The following ADAM20 variants were observed in gnomAD, a reference collection of about 807,000 sequenced individuals.
ADAM20 encodes ADAM metallopeptidase domain 20.
For missense variants in ADAM20, 871 were observed against 883.2 expected (o/e 0.99, Z 0.18); for synonymous variants, 305 against 310.2 (o/e 0.98, Z 0.18).
the ADAM20 span, among the ~76,000 whole-genome samples, chr14:70,560,429 T>G: frequency 6.6e-6 from 1 of 152,030 alleles, no homozygotes; most frequent in African/African-American, 2.4e-5. Flanking sequence ...GCAAATGTAA[T>G]GGGGGTAGGG....
At chr14:70,557,182 T>C in the ADAM20 span, 1 of 152,248 alleles carries the variant, frequency 6.6e-6, no homozygotes, top group South Asian at 2.1e-4. Context: ...CAGTTAATGG[T>C]CCCAGGTGTT....
chr14:70,537,120 C>A (rs1336385832), upstream of ADAM20, among the ~76,000 whole-genome samples: 2 of 152,118 alleles, frequency 1.3e-5, no homozygotes, highest in East Asian at 3.8e-4. Flanking sequence ...ACCCAGGAAG[C>A]AGTGGACAGC....
At chr14:70,554,256 G>A in the ADAM20 span, among the ~76,000 whole-genome samples, 1 of 152,190 alleles carries the variant, frequency 6.6e-6, no homozygotes, top group African/African-American at 2.4e-5. Flanking sequence ...TGGAGAAATG[G>A]AGCCCTTGTA....
Position 70,522,733 on chromosome 14 carries a change from G to A in ADAM20, c.2025C>T (p.Gly675=). ...CTTCCATGTTGTTCTTAGGAGGTGG[G>A]CCACTATCAGCACTACCTCCATAGC... ...DKGYGGSADS[G]PPPKNNMEGL... Residue 675 remains glycine (G), a synonymous_variant, in exon 2 of 2, where the codon GGC becomes GGT. Coordinates refer to ENST00000256389, the MANE Select transcript of ADAM20 (RefSeq NM_003814.5). 1 of 1,614,008 alleles carries A rather than the reference G, an allele frequency of 6.2e-7. No homozygotes were observed. The highest frequency in any genetic ancestry group is 8.5e-7 in the Non-Finnish European group (1 of 1,179,922).
rs540545808 is a variant in ADAM20 at position 70,531,060 on chromosome 14, G to C, written c.-177+3737C>G. Among the ~76,000 whole-genome samples, 17 of 152,074 alleles carry C rather than the reference G, an allele frequency of 1.1e-4. 3 individuals are homozygous for C. In the Middle Eastern group the frequency reaches 0.041, roughly 365 times the overall value. On this transcript the variant is annotated intron_variant, in intron 1 of 1. Coordinates refer to ENST00000256389, the MANE Select transcript of ADAM20 (RefSeq NM_003814.5). Reference sequence around the variant, plus strand: ...ATCAATACAAATTGGTATTTGAAAAGATCAACAAAATTGGCAAACCTTTAA... The same window carrying C: ...ATCAATACAAATTGGTATTTGAAAACATCAACAAAATTGGCAAACCTTTAA...
At position 70,524,378 on chromosome 14, in the gene ADAM20, G is replaced by A; in HGVS notation, c.380C>T (p.Thr127Ile). 6.2e-7 allele frequency: 1 copy of A among 1,613,918 alleles called. No homozygotes were observed. The highest frequency in any genetic ancestry group is 1.3e-5 in the African/African-American group (1 of 75,002). ...GVPESLVALS[T>I]CSGGFLGMLQ... The stretch of plus-strand genomic sequence containing the variant: ...CATTCCAAGAAAGCCCCCAGAACAG[G>A]TACTAAGGGCAACCAAGGACTCAGG... Residue 127 changes from threonine (T) to isoleucine (I), a missense_variant, in exon 2 of 2, where the codon ACC becomes ATC. Coordinates refer to ENST00000256389, the MANE Select transcript of ADAM20 (RefSeq NM_003814.5).
chr14:70,538,773 C>T (rs57900246), upstream of ADAM20, among the ~76,000 whole-genome samples: 2,079 of 152,182 alleles, frequency 0.014, 48 homozygotes, highest in African/African-American at 0.046. Context: ...TTTATTAGGC[C>T]CTGGAAACTG....
the ADAM20 span, among the ~76,000 whole-genome samples, chr14:70,541,968 G>A: frequency 6.6e-6 from 1 of 151,988 alleles, no homozygotes; most frequent in African/African-American, 2.4e-5. Context: ...CTGCTGTGAA[G>A]CTCTAACAGG....
the ADAM20 span, among the ~76,000 whole-genome samples, chr14:70,571,953 C>T: frequency 6.6e-6 from 1 of 152,108 alleles, no homozygotes; most frequent in Non-Finnish European, 1.5e-5. Context: ...AGGAGAACTA[C>T]AAAACACTTT....
rs1261664621 is a variant in ADAM20 at position 70,524,889 on chromosome 14, C to T, written c.-132G>A. On this transcript the variant is annotated 5_prime_UTR_variant, in exon 2 of 2. Transcript: ENST00000256389. ...CCTTTAGGGATCTGGGGATCTGTGT[C>T]CTGGTGGAGCTGGACCATCAGAGCT... is the stretch of plus-strand genomic sequence containing the variant. The T allele has an allele frequency of 6.2e-7, 1 of 1,610,606 alleles. No homozygotes were observed. Among genetic ancestry groups the T allele is most frequent in the Non-Finnish European group, 8.5e-7 (1 of 1,178,780 alleles).
chr14:70,560,412 C>G, the ADAM20 span, among the ~76,000 whole-genome samples: 206 of 152,222 alleles, frequency 1.4e-3, no homozygotes, highest in African/African-American at 4.7e-3. Flanking sequence ...ATATCAAAAA[C>G]CACTTAGCAA....
At chr14:70,556,698 C>T in the ADAM20 span, 28 of 152,216 alleles carry the variant, frequency 1.8e-4, no homozygotes, top group African/African-American at 6.8e-4. Flanking sequence ...ACAGTCGGCC[C>T]TCTGCAAACG....
In ADAM20 at chr14:70,522,897, T is replaced by C. The variant is rs879121661; in HGVS notation, c.1861A>G (p.Ile621Val). The change falls in exon 2 of 2, where the codon ATC (isoleucine) becomes GTC (valine). Residue 621 changes from isoleucine (I) to valine (V), a missense_variant. Ile to Val is a conservative substitution (Grantham distance 29, BLOSUM62 3). Coordinates refer to ENST00000256389, the MANE Select transcript of ADAM20 (RefSeq NM_003814.5). ...ACCATACTGGCACACTTCTTACGGA[T>C]GCAGATCTTTTCTGGACCACATACT... ...GTVCGPEKIC[I>V]RKKCASMVHL... 2 of 1,614,094 alleles carry C rather than the reference T, an allele frequency of 1.2e-6. No homozygotes were observed. The highest frequency in any genetic ancestry group is 1.6e-4 in the Middle Eastern group (1 of 6,062).
At chr14:70,553,753 A>T in the ADAM20 span, among the ~76,000 whole-genome samples, 3 of 70,374 alleles carry the variant, frequency 4.3e-5, no homozygotes, top group African/African-American at 3.4e-4. Flanking sequence ...CTTCATGATA[A>T]AAAAAAAAAA....
At chr14:70,577,169 C>G in the ADAM20 span, among the ~76,000 whole-genome samples, 1 of 152,112 alleles carries the variant, frequency 6.6e-6, no homozygotes, top group Admixed American at 6.5e-5. Context: ...AAAGAACTTA[C>G]AGGAAAGAGA....
upstream of ADAM20, among the ~76,000 whole-genome samples, chr14:70,538,721 T>C (rs886263793): frequency 5.9e-5 from 9 of 152,234 alleles, no homozygotes; most frequent in African/African-American, 1.9e-4. Context: ...TAGAGGTGGA[T>C]AAGTACTTCT....
chr14:70,554,547 C>G, the ADAM20 span, among the ~76,000 whole-genome samples: 1 of 152,178 alleles, frequency 6.6e-6, no homozygotes, highest in Non-Finnish European at 1.5e-5. Context: ...CACAGACACA[C>G]ACACACACGG....
At chr14:70,555,908 C>T in the ADAM20 span, among the ~76,000 whole-genome samples, 2 of 152,184 alleles carry the variant, frequency 1.3e-5, no homozygotes, top group Non-Finnish European at 1.5e-5. Context: ...CCCTAGAATC[C>T]CAGCCTTACC....
chr14:70,542,714 G>A, the ADAM20 span, among the ~76,000 whole-genome samples: 34 of 152,168 alleles, frequency 2.2e-4, no homozygotes, highest in African/African-American at 4.3e-4. Context: ...CAAGGTGGGC[G>A]GATCACCTGA....
Sources: gnomAD v4.1 joint callset for allele counts (sites outside exome capture counted in the v4.1 genomes callset) on GRCh38, gnomAD v4.1.1 for gene constraint, MANE v1.5 for transcripts, NCBI Gene and HGNC (gene_info 2026-07-23, HGNC 2026-07-21) for gene names.